DCAF6: variants seen among roughly 807,000 people sequenced by gnomAD.
The protein encoded by DCAF6 is DDB1 and CUL4 associated factor 6.
Under a neutral mutation model 125.1 loss-of-function variants are expected in DCAF6, and 54 were observed. That is an observed-to-expected ratio of 0.43 (90% CI 0.35 to 0.54). DCAF6 has a LOEUF of 0.54. Ranked by LOEUF, DCAF6 falls within the 20% of genes least tolerant of loss-of-function variation. DCAF6 has a pLI of 0.01. For missense variants in DCAF6, 934 were observed against 1,161.7 expected, an observed-to-expected ratio of 0.80 and a Z score of 2.85; for synonymous variants, 371 against 390.4, an observed-to-expected ratio of 0.95 and a Z score of 0.58.
chr1:167,915,474 G>C, the DCAF6 span, among the ~76,000 whole-genome samples: 4 of 152,124 alleles, frequency 2.6e-5, no homozygotes, highest in African/African-American at 4.8e-5. Context: ...ACCATTTTCT[G>C]AACTTTCTTC....
At chr1:167,901,302 A>C in the DCAF6 span, among the ~76,000 whole-genome samples, 5 of 152,146 alleles carry the variant, frequency 3.3e-5, no homozygotes, top group Non-Finnish European at 7.3e-5. Flanking sequence ...TGTAATGGCA[A>C]GCTAGTCTCT....
the DCAF6 span, among the ~76,000 whole-genome samples, chr1:167,895,220 G>T: frequency 6.6e-6 from 1 of 151,900 alleles, no homozygotes; most frequent in East Asian, 1.9e-4. Context: ...CAGTATTATG[G>T]TGCTCAAAGT....
chr1:167,965,285 A>G (rs535264425), intron 2 of DCAF6, among the ~76,000 whole-genome samples: 9 of 152,292 alleles, frequency 5.9e-5, no homozygotes, highest in South Asian at 2.1e-4. Context: ...CCTATTCCCA[A>G]CTGAGGTGGA....
upstream of DCAF6, chr1:167,936,397 C>T (rs1408176756): frequency 1.1e-5 from 2 of 177,520 alleles, no homozygotes; most frequent in African/African-American, 4.8e-5. Context: ...CTTCTTTTCA[C>T]TGGAGACTCG....
At chr1:167,903,267 T>A in the DCAF6 span, among the ~76,000 whole-genome samples, 106 of 108,296 alleles carry the variant, frequency 9.8e-4, no homozygotes, top group Middle Eastern at 8.3e-3. Context: ...AAAAAAAAAA[T>A]TAATAAATAA....
At chr1:168,031,242 T>A (rs1443229890) in intron 12 of DCAF6, among the ~76,000 whole-genome samples, 2 of 152,022 alleles carry the variant, frequency 1.3e-5, no homozygotes, top group South Asian at 2.1e-4. Flanking sequence ...ATCAGAAAAA[T>A]TCTAAAATTA....
At chr1:167,978,818 G>A (rs1038305965) in intron 4 of DCAF6, among the ~76,000 whole-genome samples, 14 of 151,872 alleles carry the variant, frequency 9.2e-5, no homozygotes, top group Non-Finnish European at 2.1e-4. Context: ...ACTGCACCTG[G>A]GTAATTTTTT....
upstream of DCAF6, among the ~76,000 whole-genome samples, chr1:167,933,959 T>C (rs1670987422): frequency 6.6e-6 from 1 of 152,206 alleles, no homozygotes; most frequent in African/African-American, 2.4e-5. Flanking sequence ...ATGATTACAA[T>C]TACTCCCATT....
intron 1 of DCAF6, among the ~76,000 whole-genome samples, chr1:167,948,315 C>T (rs1021153678): frequency 2.6e-5 from 4 of 151,492 alleles, no homozygotes; most frequent in African/African-American, 9.8e-5. Flanking sequence ...TCTTAACTAG[C>T]AGTCATCTGT....
At chr1:167,919,268 A>G in the DCAF6 span, among the ~76,000 whole-genome samples, 1 of 152,200 alleles carries the variant, frequency 6.6e-6, no homozygotes, top group Non-Finnish European at 1.5e-5. Flanking sequence ...CCACAGAGCC[A>G]TAGTCTTTCC....
chr1:167,911,057 A>T, the DCAF6 span, among the ~76,000 whole-genome samples: 1 of 152,212 alleles, frequency 6.6e-6, no homozygotes, highest in African/African-American at 2.4e-5. Context: ...ACTGGATGGA[A>T]AGTGGGTTAG....
At chr1:167,927,382 C>G in the DCAF6 span, among the ~76,000 whole-genome samples, 4 of 152,174 alleles carry the variant, frequency 2.6e-5, no homozygotes, top group African/African-American at 9.7e-5. Flanking sequence ...TATCATTACA[C>G]CTGGTTCATT....
At chr1:167,912,249 T>C in the DCAF6 span, among the ~76,000 whole-genome samples, 1 of 152,224 alleles carries the variant, frequency 6.6e-6, no homozygotes, top group Non-Finnish European at 1.5e-5. Context: ...TTTTCATTTT[T>C]TAAAGCATCT....
intron 10 of DCAF6, among the ~76,000 whole-genome samples, chr1:168,007,636 C>T (rs1571909563): frequency 6.6e-6 from 1 of 152,176 alleles, no homozygotes; most frequent in Admixed American, 6.5e-5. Context: ...GAAACACTTT[C>T]CTTTCTTGGT....
chr1:168,032,520 T>G (rs6697439), intron 12 of DCAF6, among the ~76,000 whole-genome samples: 2,834 of 152,320 alleles, frequency 0.019, 78 homozygotes, highest in African/African-American at 0.064. Flanking sequence ...TATACAAGTC[T>G]AGTAAGTTGG....
At chr1:167,935,888 C>A, upstream of DCAF6, 1 of 1,424,058 alleles carries the variant, frequency 7.0e-7, no homozygotes. Context: ...TGGCTGTGTT[C>A]TCGTCCCTGG....
chr1:167,997,566 G>T (rs942587792), intron 7 of DCAF6, among the ~76,000 whole-genome samples: 2 of 151,578 alleles, frequency 1.3e-5, no homozygotes, highest in Non-Finnish European at 2.9e-5. Flanking sequence ...CATGTTACTA[G>T]GTATGGTTTC....
rs1684268058 is a variant in DCAF6 at position 168,011,416 on chromosome 1, C to T, written c.1379-4365C>T. On this transcript the variant is annotated intron_variant, in intron 10 of 21. Coordinates refer to ENST00000367840, the MANE Select transcript of DCAF6 (RefSeq NM_001198956.2). ...CAGGCGTGAGCCACTGCGCCCGACCCAGAATTTTTTAAAGATAGCATATGA... is the reference window on the plus strand; with the variant it reads ...CAGGCGTGAGCCACTGCGCCCGACCTAGAATTTTTTAAAGATAGCATATGA... 2.0e-5 allele frequency among the ~76,000 whole-genome samples: 3 copies of T among 152,058 alleles called. No homozygotes were observed. In the South Asian group the frequency reaches 6.2e-4, roughly 31 times the overall value.
intron 12 of DCAF6, among the ~76,000 whole-genome samples, chr1:168,031,139 G>A (rs1361383600): frequency 1.3e-5 from 2 of 152,204 alleles, no homozygotes; most frequent in African/African-American, 4.8e-5. Flanking sequence ...GCATACAGAT[G>A]TTAACTGAAG....
Sources: allele counts gnomAD v4.1 joint callset (sites outside exome capture counted in the v4.1 genomes callset), GRCh38; gene constraint gnomAD v4.1.1; transcripts MANE v1.5; gene names NCBI Gene and HGNC (gene_info 2026-07-23, HGNC 2026-07-21).